ZNF721: variants seen among roughly 807,000 people sequenced by gnomAD.
The protein encoded by ZNF721 is zinc finger protein 721.
Under a neutral mutation model 2.4 loss-of-function variants are expected in ZNF721, and 2 were observed. The observed-to-expected ratio is 0.82, with a 90% CI of 0.34 to 2.58. ZNF721 has a LOEUF of 2.58. Among genes scored for constraint, ZNF721 ranks in the 30% most tolerant of loss-of-function variants. The probability of loss-of-function intolerance (pLI) is 0.11; values close to 1 mark genes in which losing one functional copy is unlikely to be tolerated. For missense variants in ZNF721, 1,187 were observed against 1,085.5 expected (o/e 1.09, Z -1.31); for synonymous variants, 398 against 381.8 (o/e 1.04, Z -0.50).
Position 441,874 on chromosome 4 carries a change from A to T in ZNF721, c.2593T>A (p.Tyr865Asn). 6.2e-7 allele frequency: 1 copy of T among 1,613,904 alleles called. No homozygotes were observed. Among genetic ancestry groups the T allele is most frequent in the East Asian group, 2.2e-5 (1 of 44,848 alleles). The part of the protein sequence containing the change: ...HRRIHTGEKP[Y>N]TCGECGKTFR... Reference sequence around the variant, plus strand: ...GTTTTGCCACATTCTCCACATGTGTAGGGTTTCTCTCCAGTATGAATTCTC... The same window carrying T: ...GTTTTGCCACATTCTCCACATGTGTTGGGTTTCTCTCCAGTATGAATTCTC... The change falls in exon 3 of 3, where the codon TAC becomes AAC. Residue 865 changes from tyrosine to asparagine, a missense_variant. Tyr to Asn is a moderately radical substitution (Grantham distance 143). Transcript: ENST00000511833.
chr4:471,485 G>A (rs113744034), intron 2 of ZNF721, among the ~76,000 whole-genome samples: 2 of 152,126 alleles, frequency 1.3e-5, no homozygotes, highest in Admixed American at 6.6e-5. Context: ...TTTTTACATA[G>A]ACGGGTAAAT....
rs577736514 is a variant in ZNF721, at chr4:443,094, A to G, written c.1373T>C (p.Leu458Ser). 27 of 1,613,658 alleles carry G rather than the reference A, an allele frequency of 1.7e-5. No homozygotes were observed. In the East Asian group the frequency reaches 4.0e-4, roughly 24 times the overall value. ...KECGKAFIHS[L>S]HLNKHEKIHT... Reference sequence around the variant, plus strand: ...AATTTTCTCATGTTTATTCAGGTGCAAGGAATGTATAAAGGCTTTCCCACA... The same window carrying G: ...AATTTTCTCATGTTTATTCAGGTGCGAGGAATGTATAAAGGCTTTCCCACA... The change falls in exon 3 of 3, where the codon TTG becomes TCG. Residue 458 changes from leucine to serine, a missense_variant. Transcript: ENST00000511833.
intron 2 of ZNF721, among the ~76,000 whole-genome samples, chr4:465,988 G>T: frequency 6.7e-6 from 1 of 149,552 alleles, no homozygotes; most frequent in African/African-American, 2.5e-5. Flanking sequence ...TTTTGTTGTC[G>T]TTTTTCTTTT....
chr4:461,076 G>T (rs139772709), intron 2 of ZNF721, among the ~76,000 whole-genome samples: 4,333 of 152,296 alleles, frequency 0.028, 65 homozygotes, highest in Middle Eastern at 0.068. Context: ...TAGAAAAAGA[G>T]GGACTCCTCC....
chr4:472,461 CTGTG>C (rs1220038444), intron 2 of ZNF721, 110 bp downstream of exon 2: 6 of 1,125,274 alleles, frequency 5.3e-6, no homozygotes, highest in Middle Eastern at 2.1e-4. Flanking sequence ...ACTTACATAG[CTGTG>C]TGTGTGAGAC....
chr4:497,866 C>T (rs1336489546), intron 1 of ZNF721, among the ~76,000 whole-genome samples: 2 of 151,246 alleles, frequency 1.3e-5, no homozygotes, highest in African/African-American at 2.4e-5. Flanking sequence ...CCACTGCACT[C>T]CAGGCTGGGC....
chr4:493,987 G>C (rs1553871862), intron 1 of ZNF721, among the ~76,000 whole-genome samples: 2 of 152,094 alleles, frequency 1.3e-5, no homozygotes, highest in African/African-American at 4.8e-5. Context: ...CTTATTTATT[G>C]AAGAATTTAC....
intron 2 of ZNF721, among the ~76,000 whole-genome samples, chr4:451,211 T>C (rs782321938): frequency 1.6e-4 from 25 of 152,168 alleles, no homozygotes; most frequent in Non-Finnish European, 2.8e-4. Flanking sequence ...TTGAACTCAA[T>C]TGAACATGGA....
At chr4:458,291 A>G (rs1267600597) in intron 2 of ZNF721, among the ~76,000 whole-genome samples, 4 of 152,320 alleles carry the variant, frequency 2.6e-5, no homozygotes, top group Admixed American at 1.3e-4. Flanking sequence ...CAGGTCTCCC[A>G]AGCATGAATT....
intron 1 of ZNF721, among the ~76,000 whole-genome samples, chr4:481,579 T>C (rs546236780): frequency 5.9e-5 from 9 of 151,294 alleles, no homozygotes; most frequent in East Asian, 3.9e-4. Context: ...TTCTTTCTTT[T>C]TTTTTTTTTT....
chr4:450,665 G>A (rs755497296), intron 2 of ZNF721, among the ~76,000 whole-genome samples: 9 of 124,080 alleles, frequency 7.3e-5, no homozygotes, highest in Non-Finnish European at 1.0e-4. Context: ...AGCCGGGCGC[G>A]GTTGGCTCAT....
At chr4:473,910 C>G in intron 1 of ZNF721, 1 of 1,475,328 alleles carries the variant, frequency 6.8e-7, no homozygotes. Flanking sequence ...GACTCAGTCC[C>G]GCCGCCGCCA....
intron 1 of ZNF721, among the ~76,000 whole-genome samples, chr4:473,184 G>C (rs1715493249): frequency 6.6e-6 from 1 of 152,074 alleles, no homozygotes; most frequent in Non-Finnish European, 1.5e-5. Context: ...GCTTCAATGC[G>C]CATATCAATT....
rs782195723 is a variant in ZNF721 at position 499,131 on chromosome 4, G to C, written c.-169C>G. Reference sequence around the variant, plus strand: ...GAGCCGGGAACACCGCCCGCTGTTCGTATGTCCGAGGTGACGCCCCGCTGT... The same window carrying C: ...GAGCCGGGAACACCGCCCGCTGTTCCTATGTCCGAGGTGACGCCCCGCTGT... On this transcript the variant is annotated 5_prime_UTR_variant, in exon 1 of 3. Transcript: ENST00000511833. 2 of 587,330 alleles carry C rather than the reference G, an allele frequency of 3.4e-6. No individual in the cohort carries two copies. The highest frequency in any genetic ancestry group is 5.8e-6 in the Non-Finnish European group (2 of 343,978). The allele number at this position is 587,330 out of a possible 1,614,324, so 36.4% of individuals were successfully genotyped here.
chr4:461,291 A>C (rs1293252918), intron 2 of ZNF721, among the ~76,000 whole-genome samples: 1 of 152,198 alleles, frequency 6.6e-6, no homozygotes, highest in Admixed American at 6.5e-5. Flanking sequence ...ATGAAACACT[A>C]GTTCAACATA....
At chr4:477,192 G>A (rs1553868781) in intron 1 of ZNF721, among the ~76,000 whole-genome samples, 1 of 151,356 alleles carries the variant, frequency 6.6e-6, no homozygotes, top group Admixed American at 6.6e-5. Context: ...CAAACCTTCT[G>A]GGAAAACATG....
At chr4:446,381 C>CTTTTT (rs1358256623) in intron 2 of ZNF721, among the ~76,000 whole-genome samples, 2 of 135,056 alleles carry the variant, frequency 1.5e-5, no homozygotes, top group South Asian at 2.4e-4. Flanking sequence ...AGGAAGTTTT[C>CTTTTT]TTTTTTTTTT....
At chr4:497,811 T>G (rs1223573017) in intron 1 of ZNF721, among the ~76,000 whole-genome samples, 3 of 149,374 alleles carry the variant, frequency 2.0e-5, no homozygotes. Flanking sequence ...GGTAGGAAAA[T>G]GGCGTGAACC....
intron 1 of ZNF721, among the ~76,000 whole-genome samples, chr4:479,273 T>C (rs1260343231): frequency 2.0e-5 from 3 of 152,100 alleles, no homozygotes; most frequent in Admixed American, 6.5e-5. Flanking sequence ...GTGGAAACCA[T>C]TGGATCTTCT....
Sources: allele counts gnomAD v4.1 joint callset (sites outside exome capture counted in the v4.1 genomes callset), GRCh38; gene constraint gnomAD v4.1.1; transcripts MANE v1.5; gene names NCBI Gene and HGNC (gene_info 2026-07-23, HGNC 2026-07-21).